The following RNF13 variants were observed in gnomAD, a reference collection of about 807,000 sequenced individuals.
RNF13 encodes the protein E3 ubiquitin-protein ligase RNF13.
A neutral mutation model predicts 37.7 loss-of-function variants in RNF13; 19 were observed. That is an observed-to-expected ratio of 0.50 (90% CI 0.35 to 0.74). The LOEUF (loss-of-function observed/expected upper bound fraction) is 0.74, where lower values mean the gene tolerates loss of function less well. Ranked by LOEUF, RNF13 falls within the 30% of genes least tolerant of loss-of-function variation. The pLI, the probability that RNF13 is intolerant of heterozygous loss-of-function variation, is 0.01. For missense variants in RNF13, 375 were observed against 453.0 expected, an observed-to-expected ratio of 0.83 and a Z score of 1.56; for synonymous variants, 144 against 157.8, an observed-to-expected ratio of 0.91 and a Z score of 0.65.
At chr3:149,902,306 G>C (rs555155956) in intron 6 of RNF13, 144 bp downstream of exon 6, 20 of 451,388 alleles carry the variant, frequency 4.4e-5, no homozygotes, top group African/African-American at 3.1e-4. Context: ...ATGCTTTTAA[G>C]ACGTAGTATT....
At chr3:149,838,057 C>T (rs966807446) in intron 1 of RNF13, among the ~76,000 whole-genome samples, 9 of 152,078 alleles carry the variant, frequency 5.9e-5, no homozygotes, top group East Asian at 3.9e-4. Flanking sequence ...CAAAATCCAG[C>T]GGGGCAGTCA....
intron 8 of RNF13, among the ~76,000 whole-genome samples, chr3:149,942,672 A>G (rs369165346): frequency 1.3e-5 from 2 of 152,108 alleles, no homozygotes. Context: ...CTGATTTTCC[A>G]ATCTGTATGT....
At chr3:149,840,670 G>A (rs147408873) in intron 1 of RNF13, among the ~76,000 whole-genome samples, 36 of 152,208 alleles carry the variant, frequency 2.4e-4, no homozygotes, top group African/African-American at 7.7e-4. Flanking sequence ...AATTGTAATG[G>A]GGAAGAAAGA....
At chr3:149,839,816 C>T (rs1721992664) in intron 1 of RNF13, among the ~76,000 whole-genome samples, 1 of 152,070 alleles carries the variant, frequency 6.6e-6, no homozygotes, top group Non-Finnish European at 1.5e-5. Flanking sequence ...TCCATTATTC[C>T]GAAAATGTAT....
In RNF13 at chr3:149,961,277, T is replaced by C; in HGVS notation, c.*173T>C. On this transcript the variant is annotated 3_prime_UTR_variant, in exon 10 of 10. Transcript: ENST00000392894. ...ATCTGGTATTTATCTGCCAAGAATA[T>C]ACTTCATTCACTAATAATAGACTGG... is the stretch of plus-strand genomic sequence containing the variant. 1.5e-6 allele frequency: 1 copy of C among 686,114 alleles called. No homozygotes were observed. The highest frequency in any genetic ancestry group is 2.6e-6 in the Non-Finnish European group (1 of 389,972). The allele number at this position is 686,114 out of a possible 1,614,324, so 42.5% of individuals were successfully genotyped here. A position where few individuals can be genotyped will look rare whatever the true frequency, so the allele number is the denominator to read the frequency against.
chr3:149,948,674 C>CA (rs1721012459), intron 8 of RNF13, among the ~76,000 whole-genome samples: 1 of 152,198 alleles, frequency 6.6e-6, no homozygotes, highest in Admixed American at 6.5e-5. Context: ...ATTGATGACT[C>CA]AAATTGCCTG....
At chr3:149,954,648 G>T (rs143986710) in intron 8 of RNF13, among the ~76,000 whole-genome samples, 1 of 152,246 alleles carries the variant, frequency 6.6e-6, no homozygotes, top group East Asian at 1.9e-4. Context: ...ACACTTTGGG[G>T]ACAGGATCTT....
chr3:149,956,541 A>G (rs1399877994), intron 8 of RNF13, among the ~76,000 whole-genome samples: 1 of 152,204 alleles, frequency 6.6e-6, no homozygotes, highest in Non-Finnish European at 1.5e-5. Flanking sequence ...GGGAAAAATC[A>G]TGGATGAACA....
chr3:149,834,152 A>G (rs1225660664), intron 1 of RNF13, among the ~76,000 whole-genome samples: 1 of 152,240 alleles, frequency 6.6e-6, no homozygotes, highest in Non-Finnish European at 1.5e-5. Flanking sequence ...TTATGGATTG[A>G]TAGACTTAAT....
chr3:149,908,501 G>C (rs1716657075), intron 6 of RNF13, among the ~76,000 whole-genome samples: 1 of 152,152 alleles, frequency 6.6e-6, no homozygotes, highest in African/African-American at 2.4e-5. Flanking sequence ...CTGCTTTTAT[G>C]TTACCTCAGA....
intron 1 of RNF13, among the ~76,000 whole-genome samples, chr3:149,825,188 T>G (rs1324225820): frequency 6.6e-6 from 1 of 151,484 alleles, no homozygotes; most frequent in Admixed American, 6.6e-5. Flanking sequence ...AACCCTTTTT[T>G]TTTTTTAAGG....
intron 1 of RNF13, among the ~76,000 whole-genome samples, chr3:149,837,562 A>G (rs527320498): frequency 2.6e-5 from 4 of 152,356 alleles, no homozygotes; most frequent in South Asian, 2.1e-4. Context: ...CACGTCTCAC[A>G]TGGTGGCAGA....
intron 4 of RNF13, among the ~76,000 whole-genome samples, chr3:149,894,920 A>ATTC (rs971210561): frequency 2.0e-5 from 3 of 152,118 alleles, no homozygotes; most frequent in Non-Finnish European, 4.4e-5. Flanking sequence ...ATCCAACTAT[A>ATTC]TTCTTATGGT....
intron 8 of RNF13, among the ~76,000 whole-genome samples, chr3:149,934,491 CCTA>C (rs1259069567): frequency 6.6e-6 from 1 of 151,908 alleles, no homozygotes; most frequent in Non-Finnish European, 1.5e-5. Context: ...CTATGAACTT[CCTA>C]CTTAGTATTG....
chr3:149,909,361 G>A (rs149118233), intron 6 of RNF13, among the ~76,000 whole-genome samples: 4,808 of 149,532 alleles, frequency 0.032, 93 homozygotes, highest in Non-Finnish European at 0.036. Context: ...TGCAACCTCC[G>A]CCTCCCGGGT....
At chr3:149,849,571 A>T (rs1357935459) in intron 2 of RNF13, among the ~76,000 whole-genome samples, 2 of 152,124 alleles carry the variant, frequency 1.3e-5, no homozygotes, top group African/African-American at 4.8e-5. Context: ...TAAAAGTGAG[A>T]GTTTGTGAAG....
intron 8 of RNF13, among the ~76,000 whole-genome samples, chr3:149,932,318 C>T (rs1719237349): frequency 6.6e-6 from 1 of 152,082 alleles, no homozygotes; most frequent in Non-Finnish European, 1.5e-5. Context: ...TACGAGTGGT[C>T]CCCTTTCTCC....
intron 7 of RNF13, among the ~76,000 whole-genome samples, chr3:149,920,102 A>T (rs1290073769): frequency 6.6e-6 from 1 of 152,046 alleles, no homozygotes; most frequent in Non-Finnish European, 1.5e-5. Flanking sequence ...TTGTTTTCTT[A>T]TTATTGAGTT....
At chr3:149,908,985 A>T (rs1559943545) in intron 6 of RNF13, among the ~76,000 whole-genome samples, 2 of 152,204 alleles carry the variant, frequency 1.3e-5, no homozygotes, top group Non-Finnish European at 2.9e-5. Context: ...GATGTGCTGT[A>T]TTTAGGCATG....
Sources: gnomAD v4.1 joint callset for allele counts (sites outside exome capture counted in the v4.1 genomes callset) on GRCh38, gnomAD v4.1.1 for gene constraint, MANE v1.5 for transcripts, NCBI Gene and HGNC (gene_info 2026-07-23, HGNC 2026-07-21) for gene names.